The following TGM2 variants were observed in gnomAD, a reference collection of about 807,000 sequenced individuals.
The protein encoded by TGM2 is protein-glutamine gamma-glutamyltransferase 2.
A neutral mutation model predicts 75.6 loss-of-function variants in TGM2; 53 were observed. The observed-to-expected ratio is 0.70, with a 90% confidence interval of 0.56 to 0.88. The LOEUF (loss-of-function observed/expected upper bound fraction) is 0.88. TGM2 is among the 40% of genes least tolerant of loss of function. The probability of loss-of-function intolerance (pLI) is 0.00; values close to 1 mark genes in which losing one functional copy is unlikely to be tolerated. For synonymous variants in TGM2, 374 were observed against 381.1 expected (o/e 0.98, Z 0.22); for missense variants, 842 against 928.5 (o/e 0.91, Z 1.21).
chr20:38,138,068 T>G, intron 10 of TGM2, 45 bp downstream of exon 10: 4 of 1,544,616 alleles, frequency 2.6e-6, no homozygotes, highest in Non-Finnish European at 3.5e-6. Context: ...CCTAGCATGT[T>G]GTCAGTTGGC....
In TGM2 at chr20:38,163,646, G is replaced by A. The variant is rs150908244; in HGVS notation, c.10+1543C>T. ...GACCACCCCTTCGCCACCATGTCCT[G>A]TGTTGTTCTCAAACCTGGGGGCAGA... On this transcript the variant is annotated intron_variant, in intron 1 of 12. Coordinates refer to ENST00000361475, the MANE Select transcript of TGM2 (RefSeq NM_004613.4). Among the ~76,000 whole-genome samples, 187 of 152,266 alleles carry A rather than the reference G, an allele frequency of 1.2e-3. 1 individual carries two copies. Among genetic ancestry groups the A allele is most frequent in the Non-Finnish European group, 1.7e-3 (117 of 68,016 alleles).
upstream of TGM2, among the ~76,000 whole-genome samples, chr20:38,165,671 A>AACACACACACACACACACACACAC (rs71833660): frequency 1.4e-5 from 2 of 143,226 alleles, no homozygotes; most frequent in Non-Finnish European, 3.0e-5. Flanking sequence ...CCCCACCCCC[A>AACACACACACACACACACACACAC]ACACACACAC....
chr20:38,131,264 G>A, intron 11 of TGM2, 35 bp from the exon 12 acceptor site: 1 of 1,612,642 alleles, frequency 6.2e-7, no homozygotes, highest in Non-Finnish European at 8.5e-7. Flanking sequence ...TCAAGGGCAG[G>A]TGGGATCCAG....
chr20:38,155,197 T>A (rs6023527), intron 3 of TGM2, among the ~76,000 whole-genome samples: 1 of 152,024 alleles, frequency 6.6e-6, no homozygotes, highest in Admixed American at 6.5e-5. Context: ...AGGCATCAGC[T>A]GGGCACCCTA....
rs1473655454 is a variant in TGM2 at position 38,161,443 on chromosome 20, C to T, written c.167G>A (p.Ser56Asn). 1 of 1,614,130 alleles carries T rather than the reference C, an allele frequency of 6.2e-7. No individual in the cohort carries two copies. The highest frequency in any genetic ancestry group is 1.7e-5 in the Admixed American group (1 of 60,024). ...ACCGGTCACGACACTGAAGGTGAGA[C>T]TGTCTACACTGGCCTCGTAGTTGCG... is the stretch of plus-strand genomic sequence containing the variant. Reference protein sequence around the residue: ...EGRNYEASVDSLTFSVVTGPA... With the variant: ...EGRNYEASVDNLTFSVVTGPA... Residue 56 changes from serine (S) to asparagine (N), a missense_variant, in exon 2 of 13, where the codon AGT (serine) becomes AAT (asparagine). Ser to Asn is a conservative substitution (Grantham distance 46). Transcript: ENST00000361475.
In TGM2 at chr20:38,146,845, T is replaced by C. The variant is rs746441398; in HGVS notation, c.731A>G (p.Asn244Ser). ...QGVLLGRWDN[N>S]YGDGVSPMSW... is the part of the protein sequence containing the mutation. ...CATGGGGCTGACGCCGTCCCCGTAG[T>C]TGTTGTCCCAGCGTCCCAGCAGCAC... is the stretch of plus-strand genomic sequence containing the variant. Residue 244 changes from asparagine (N) to serine (S), a missense_variant, in exon 6 of 13, where the codon AAC becomes AGC. Asn to Ser is a conservative substitution (Grantham distance 46). Coordinates refer to ENST00000361475, the MANE Select transcript of TGM2 (RefSeq NM_004613.4). The C allele has an allele frequency of 4.3e-6, 7 of 1,613,872 alleles. No individual in the cohort carries two copies. The East Asian group carries it at 8.9e-5, about 21-fold the overall frequency.
chr20:38,130,672 T>C (rs151101575), intron 12 of TGM2, among the ~76,000 whole-genome samples: 2 of 152,256 alleles, frequency 1.3e-5, no homozygotes, highest in Non-Finnish European at 2.9e-5. Context: ...TGCTTTTTAC[T>C]GTATATAAGT....
At chr20:38,145,583 A>G (rs2075034170) in intron 6 of TGM2, 1 of 151,832 alleles carries the variant, frequency 6.6e-6, no homozygotes, top group Admixed American at 6.6e-5. Context: ...CCTCACACAT[A>G]TTAACTCATT....
At chr20:38,135,748 AG>A (rs1314502092) in intron 10 of TGM2, among the ~76,000 whole-genome samples, 1 of 152,122 alleles carries the variant, frequency 6.6e-6, no homozygotes, top group Non-Finnish European at 1.5e-5. Context: ...TGCCTGGGAC[AG>A]AAGGTGTTCA....
chr20:38,153,534 A>AAAAGAAAAG (rs1568698203), intron 3 of TGM2, among the ~76,000 whole-genome samples: 28 of 143,920 alleles, frequency 1.9e-4, no homozygotes, highest in African/African-American at 2.6e-4. Context: ...CAAAAAAAAG[A>AAAAGAAAAG]AAAAAAAAAA....
At chr20:38,153,961 T>A (rs1416530630) in intron 3 of TGM2, among the ~76,000 whole-genome samples, 1 of 152,202 alleles carries the variant, frequency 6.6e-6, no homozygotes, top group African/African-American at 2.4e-5. Flanking sequence ...GGACTACAGA[T>A]GTGTGTCATC....
At chr20:38,137,064 C>A (rs1328780950) in intron 10 of TGM2, among the ~76,000 whole-genome samples, 2 of 152,156 alleles carry the variant, frequency 1.3e-5, no homozygotes, top group African/African-American at 4.8e-5. Context: ...GAGGGACAAT[C>A]AAGTCCAGGA....
rs1164309433 is a variant in TGM2 at position 38,127,646 on chromosome 20, T to A, written c.*2573A>T. ...TTCAAATTGAGACCTGCTGTCAGTA[T>A]AAAACACACACCACATTTCAAAGAT... On this transcript the variant is annotated 3_prime_UTR_variant, in exon 13 of 13. Transcript: ENST00000361475. 1 of 152,212 alleles carries A rather than the reference T, an allele frequency of 6.6e-6. No homozygotes were observed. The highest frequency in any genetic ancestry group is 1.5e-5 in the Non-Finnish European group (1 of 68,038). The allele number at this position is 152,212 out of a possible 1,614,324, so 9.4% of individuals were successfully genotyped here. A position where few individuals can be genotyped will look rare whatever the true frequency, so the allele number is the denominator to read the frequency against.
In TGM2 at chr20:38,155,960, G is replaced by A. The variant is rs755189963; in HGVS notation, c.320C>T (p.Pro107Leu). 14 of 1,612,936 alleles carry A rather than the reference G, an allele frequency of 8.7e-6. No homozygotes were observed. The highest frequency in any genetic ancestry group is 1.7e-4 in the Middle Eastern group (1 of 6,048). The change falls in exon 3 of 13, where the codon CCG (proline) becomes CTG (leucine). Residue 107 changes from proline to leucine, a missense_variant. Coordinates refer to ENST00000361475, the MANE Select transcript of TGM2 (RefSeq NM_004613.4). ...ATACAGGCCGATGGGGGCGTTGGCC[G>A]GGGTGGTGAGCTGCAGCGAGAGGGT... ...DCTLSLQLTTPANAPIGLYRL... is the reference protein window; with the variant it reads ...DCTLSLQLTTLANAPIGLYRL...
At chr20:38,132,631 T>A (rs961934220) in intron 10 of TGM2, 131 bp from the exon 11 acceptor site, 8 of 1,218,558 alleles carry the variant, frequency 6.6e-6, no homozygotes, top group Non-Finnish European at 9.6e-6. Context: ...GCTGGGCGGA[T>A]CCCTGAACTC....
upstream of TGM2, among the ~76,000 whole-genome samples, chr20:38,167,925 A>G (rs1203854156): frequency 6.6e-6 from 1 of 152,196 alleles, no homozygotes; most frequent in African/African-American, 2.4e-5. Context: ...CCTCATTTGT[A>G]AAATGGGGGC....
chr20:38,135,936 T>A (rs754264743), intron 10 of TGM2, among the ~76,000 whole-genome samples: 1 of 152,138 alleles, frequency 6.6e-6, no homozygotes, highest in Non-Finnish European at 1.5e-5. Flanking sequence ...CATCACCCCA[T>A]GTAACAGGCG....
chr20:38,132,391 G>A lies in TGM2; in HGVS notation c.1725C>T (p.Tyr575=). The change falls in exon 11 of 13, where the codon TAC becomes TAT. Residue 575 remains tyrosine (Y), a synonymous_variant. Coordinates refer to ENST00000361475, the MANE Select transcript of TGM2 (RefSeq NM_004613.4). ...GGTAGAGGTCCCTCTCAGCCAGCAG[G>A]TAGCTGTTGATAACTGGCTCCACGA... ...ALLVEPVINS[Y]LLAERDLYLE... is the part of the protein sequence containing the mutation. 1.2e-6 allele frequency: 2 copies of A among 1,614,176 alleles called. No individual in the cohort carries two copies. Among genetic ancestry groups the A allele is most frequent in the South Asian group, 1.1e-5 (1 of 91,086 alleles).
chr20:38,165,363 A>G (rs1173962176), upstream of TGM2: 19 of 978,612 alleles, frequency 1.9e-5, no homozygotes, highest in East Asian at 1.6e-4. Context: ...GAGGCCACCC[A>G]TTGCCCAGTC....
Sources: allele counts gnomAD v4.1 joint callset (sites outside exome capture counted in the v4.1 genomes callset), GRCh38; gene constraint gnomAD v4.1.1; transcripts MANE v1.5; gene names NCBI Gene and HGNC (gene_info 2026-07-23, HGNC 2026-07-21).